The following ZNF83 variants were observed in gnomAD, a reference collection of about 807,000 sequenced individuals.
ZNF83 encodes the protein zinc finger protein 816B.
For synonymous variants in ZNF83, 209 were observed against 213.0 expected (o/e 0.98, Z 0.17); for missense variants, 552 against 629.9 (o/e 0.88, Z 1.32).
intron 3 of ZNF83, chr19:52,655,011 C>T (rs186018923): frequency 2.5e-3 from 379 of 152,914 alleles, no homozygotes; most frequent in Non-Finnish European, 4.1e-3. Flanking sequence ...CATGGTGATT[C>T]CCCATCTCTA....
At chr19:52,638,952 C>G (rs1049441608), upstream of ZNF83, among the ~76,000 whole-genome samples, 2 of 152,308 alleles carry the variant, frequency 1.3e-5, no homozygotes, top group Middle Eastern at 3.4e-3. Flanking sequence ...AGTAACACCC[C>G]CTCCCGCAGG....
At chr19:52,639,413 CTAT>C (rs869232114), upstream of ZNF83, among the ~76,000 whole-genome samples, 1,038 of 53,846 alleles carry the variant, frequency 0.019, 13 homozygotes, top group Middle Eastern at 0.042. Flanking sequence ...TTAGTTTTTT[CTAT>C]TTTTTTTTTT....
At chr19:52,661,812 A>G (rs530021912) in intron 1 of ZNF83, among the ~76,000 whole-genome samples, 1 of 152,260 alleles carries the variant, frequency 6.6e-6, no homozygotes, top group South Asian at 2.1e-4. Context: ...GCAATGTCAA[A>G]TGGGGCCTGT....
chr19:52,657,308 T>A (rs1432477936), intron 2 of ZNF83, among the ~76,000 whole-genome samples: 1 of 152,012 alleles, frequency 6.6e-6, no homozygotes, highest in Non-Finnish European at 1.5e-5. Flanking sequence ...TCAGAATACA[T>A]TATGTAAATT....
At chr19:52,660,432 A>T (rs1427325652) in intron 2 of ZNF83, among the ~76,000 whole-genome samples, 1 of 152,108 alleles carries the variant, frequency 6.6e-6, no homozygotes, top group Non-Finnish European at 1.5e-5. Flanking sequence ...CAGCCTGGCC[A>T]ACATGGTGAA....
At chr19:52,687,598 TG>T (rs1394118241) in intron 1 of ZNF83, among the ~76,000 whole-genome samples, 130 of 25,232 alleles carry the variant, frequency 5.2e-3, no homozygotes, top group African/African-American at 0.017. Context: ...ATATATATAA[TG>T]TATATATATA....
At chr19:52,631,553 C>G (rs2060960767) in intron 2 of ZNF83, among the ~76,000 whole-genome samples, 1 of 152,214 alleles carries the variant, frequency 6.6e-6, no homozygotes, top group Non-Finnish European at 1.5e-5. Context: ...TTTCTGCTCC[C>G]TGGCTCCTTC....
chr19:52,636,940 A>G (rs12610290), intron 1 of ZNF83: 21,664 of 152,330 alleles, frequency 0.14, 1,573 homozygotes, highest in South Asian at 0.25. Context: ...TTACAGGCGT[A>G]AGCCACTGCG....
intron 3 of ZNF83, chr19:52,655,441 A>G: frequency 2.1e-6 from 2 of 963,630 alleles, no homozygotes; most frequent in Non-Finnish European, 3.1e-6. Context: ...CACTGCAGAA[A>G]ACAATGACAT....
chr19:52,617,137 A>C (rs2060338830), intron 2 of ZNF83: 1 of 150,816 alleles, frequency 6.6e-6, no homozygotes, highest in Non-Finnish European at 1.5e-5. Flanking sequence ...CCACCACGGC[A>C]CACATATACC....
At chr19:52,662,211 C>A (rs2061589959) in intron 1 of ZNF83, among the ~76,000 whole-genome samples, 1 of 152,200 alleles carries the variant, frequency 6.6e-6, no homozygotes, top group Admixed American at 6.5e-5. Context: ...GAATTCATTT[C>A]TCATTTTAAA....
chr19:52,632,856 C>T (rs1220486660), intron 2 of ZNF83, among the ~76,000 whole-genome samples: 1 of 152,108 alleles, frequency 6.6e-6, no homozygotes, highest in Non-Finnish European at 1.5e-5. Context: ...CAATATCACC[C>T]CTTACCACAA....
intron 2 of ZNF83, among the ~76,000 whole-genome samples, chr19:52,631,319 T>C (rs1014327152): frequency 9.2e-5 from 14 of 152,306 alleles, no homozygotes; most frequent in East Asian, 1.9e-4. Context: ...GCATAGTTAG[T>C]GTGGTCAGAA....
At chr19:52,633,974 T>C (rs1439654484) in intron 2 of ZNF83, among the ~76,000 whole-genome samples, 2 of 151,650 alleles carry the variant, frequency 1.3e-5, no homozygotes, top group Non-Finnish European at 2.9e-5. Flanking sequence ...TATATATTCA[T>C]TATTAATTGG....
intron 1 of ZNF83, among the ~76,000 whole-genome samples, chr19:52,672,068 T>C (rs2061733994): frequency 6.6e-6 from 1 of 152,068 alleles, no homozygotes; most frequent in African/African-American, 2.4e-5. Flanking sequence ...ACCCCATCTG[T>C]ACTAAAAATA....
In ZNF83 at chr19:52,631,935, G is replaced by GC. The variant is rs34848367; in HGVS notation, c.-234+3130dup. On this transcript the variant is annotated intron_variant, in intron 2 of 2. Coordinates refer to ENST00000301096, the Ensembl canonical transcript of ZNF83. Reference sequence around the variant, plus strand: ...CTACTACTCCTCAGGGATTATTCAGGCCCCCCTCCCTTCCCTACACATCAA... The same window carrying GC: ...CTACTACTCCTCAGGGATTATTCAGGCCCCCCCTCCCTTCCCTACACATCAA... Among the ~76,000 whole-genome samples, 18 of 145,602 alleles carry GC rather than the reference G, an allele frequency of 1.2e-4. No homozygotes were observed. In the South Asian group the frequency reaches 3.2e-3, roughly 26 times the overall value.
At chr19:52,662,031 A>T (rs1248822251) in intron 1 of ZNF83, among the ~76,000 whole-genome samples, 2 of 151,158 alleles carry the variant, frequency 1.3e-5, no homozygotes, top group African/African-American at 4.8e-5. Flanking sequence ...GGACACAGGC[A>T]GGAGATGAGA....
At chr19:52,677,128 AAAAAAAAG>A (rs1417555589) in intron 1 of ZNF83, among the ~76,000 whole-genome samples, 1 of 45,200 alleles carries the variant, frequency 2.2e-5, no homozygotes. Context: ...ATCAATTAAA[AAAAAAAAG>A]AAAAAAAGAA....
At chr19:52,647,902 A>C (rs1600225520) in intron 3 of ZNF83, among the ~76,000 whole-genome samples, 1 of 146,572 alleles carries the variant, frequency 6.8e-6, no homozygotes, top group Non-Finnish European at 1.5e-5. Flanking sequence ...TCCCTGTTAT[A>C]CCCCTCTGTA....
Sources: allele counts gnomAD v4.1 joint callset (sites outside exome capture counted in the v4.1 genomes callset), GRCh38; gene constraint gnomAD v4.1.1; transcripts MANE v1.5; gene names NCBI Gene and HGNC (gene_info 2026-07-23, HGNC 2026-07-21).